Variants in NME8 observed in about 807,000 individuals in gnomAD.
NME8 encodes protein NME8.
A neutral mutation model predicts 82.3 loss-of-function variants in NME8; 72 were observed. The ratio of observed to expected loss-of-function variants is 0.87; its 90% CI spans 0.72 to 1.06. NME8 has a LOEUF of 1.06. Ranked by LOEUF, NME8 falls within the 50% of genes least tolerant of loss-of-function variation. NME8 has a pLI of 0.00. For missense variants in NME8, 712 were observed against 685.4 expected (o/e 1.04, Z -0.43); for synonymous variants, 267 against 228.5 (o/e 1.17, Z -1.52).
intron 13 of NME8, among the ~76,000 whole-genome samples, chr7:37,884,681 T>G (rs557834473): frequency 1.3e-5 from 2 of 152,244 alleles, no homozygotes; most frequent in East Asian, 3.9e-4. Flanking sequence ...GTTACTGGAG[T>G]CCCATTGAGT....
At chr7:37,882,015 TTTG>T (rs1784953861) in intron 12 of NME8, among the ~76,000 whole-genome samples, 1 of 152,242 alleles carries the variant, frequency 6.6e-6, no homozygotes. Context: ...TAATTCAGTT[TTTG>T]TTGTTGGTGG....
chr7:37,875,401 GAC>G (rs144351597), intron 11 of NME8, among the ~76,000 whole-genome samples: 61 of 149,402 alleles, frequency 4.1e-4, no homozygotes, highest in African/African-American at 1.1e-3. Flanking sequence ...GATCTGCCAA[GAC>G]ACACACACAC....
intron 2 of NME8, among the ~76,000 whole-genome samples, chr7:37,849,986 T>C (rs1190744459): frequency 6.6e-6 from 1 of 151,860 alleles, no homozygotes; most frequent in Non-Finnish European, 1.5e-5. Flanking sequence ...AAGAGTATAA[T>C]TGGATTGTTT....
chr7:37,869,427 C>T (rs1784736804), intron 11 of NME8, among the ~76,000 whole-genome samples: 1 of 152,058 alleles, frequency 6.6e-6, no homozygotes, highest in African/African-American at 2.4e-5. Context: ...AAACAAAAAG[C>T]GTTCTATGAA....
At chr7:37,893,707 T>C (rs1414901035) in intron 15 of NME8, among the ~76,000 whole-genome samples, 4 of 152,218 alleles carry the variant, frequency 2.6e-5, no homozygotes, top group African/African-American at 9.6e-5. Flanking sequence ...TATTACTCTA[T>C]AATAATGATC....
At chr7:37,850,183 G>T in intron 2 of NME8, 77 bp from the exon 3 acceptor site, 3 of 1,105,362 alleles carry the variant, frequency 2.7e-6, no homozygotes, top group Admixed American at 3.4e-5. Flanking sequence ...TGTTTTAAAA[G>T]ATGTTATTTG....
intron 5 of NME8, among the ~76,000 whole-genome samples, chr7:37,853,612 G>A (rs1784467713): frequency 6.6e-6 from 1 of 152,084 alleles, no homozygotes; most frequent in African/African-American, 2.4e-5. Flanking sequence ...TAGACTAGGG[G>A]TTCCAGATTC....
chr7:37,897,229 G>A (rs1785243821), intron 17 of NME8, 122 bp downstream of exon 17: 2 of 684,418 alleles, frequency 2.9e-6, no homozygotes, highest in Non-Finnish European at 5.1e-6. Context: ...TTTATTTCCT[G>A]TGAGACACAC....
chr7:37,886,956 A>C (rs1785050479), intron 14 of NME8, among the ~76,000 whole-genome samples: 1 of 152,142 alleles, frequency 6.6e-6, no homozygotes, highest in Non-Finnish European at 1.5e-5. Flanking sequence ...ACAGAAAACC[A>C]AGTTTCCAGT....
chr7:37,891,442 A>G (rs560383431), intron 15 of NME8, among the ~76,000 whole-genome samples: 42 of 151,740 alleles, frequency 2.8e-4, no homozygotes, highest in Non-Finnish European at 4.7e-4. Context: ...GATGAGATAA[A>G]CTCACATAAT....
chr7:37,865,669 C>G, intron 10 of NME8, 52 bp downstream of exon 10: 1 of 1,217,528 alleles, frequency 8.2e-7, no homozygotes, highest in East Asian at 2.3e-5. Flanking sequence ...ACAGTGGCCT[C>G]CATAAGCTTT....
chr7:37,876,774 G>T, intron 11 of NME8, 58 bp from the exon 12 acceptor site: 2 of 1,228,148 alleles, frequency 1.6e-6, no homozygotes, highest in Non-Finnish European at 2.4e-6. Context: ...TTAATTTGTT[G>T]GCATGGTTAT....
At chr7:37,866,476 C>T (rs1404083438) in intron 10 of NME8, among the ~76,000 whole-genome samples, 1 of 152,154 alleles carries the variant, frequency 6.6e-6, no homozygotes, top group Non-Finnish European at 1.5e-5. Flanking sequence ...AAATCCAATT[C>T]CTGGGCCCCA....
At chr7:37,882,859 T>C (rs1300828539) in intron 12 of NME8, among the ~76,000 whole-genome samples, 1 of 152,250 alleles carries the variant, frequency 6.6e-6, no homozygotes, top group Non-Finnish European at 1.5e-5. Context: ...TTGAAAATTC[T>C]CATGGACATA....
chr7:37,882,597 A>AAG (rs772102601), intron 12 of NME8, among the ~76,000 whole-genome samples: 1,027 of 82,960 alleles, frequency 0.012, 15 homozygotes, highest in South Asian at 0.022. Flanking sequence ...GAAAGAAAGA[A>AAG]AGAGAGAGAG....
In NME8 at chr7:37,888,320, T is replaced by C. The variant is rs758921186; in HGVS notation, c.1291T>C (p.Leu431=). The change falls in exon 15 of 18, where the codon TTG becomes CTG. Residue 431 remains leucine (L), a synonymous_variant. Transcript: ENST00000199447. ...GATGGACAGTTTGCCGGTCAACCAG[T>C]TGTATGGCAGCGATTCATTAGAAAC... ...FAMDSLPVNQ[L]YGSDSLETAE... is the part of the protein sequence containing the mutation. 6 of 1,613,688 alleles carry C rather than the reference T, an allele frequency of 3.7e-6. No homozygotes were observed. Among genetic ancestry groups the C allele is most frequent in the Non-Finnish European group, 5.1e-6 (6 of 1,179,710 alleles).
At chr7:37,856,244 G>A (rs1299558341) in intron 5 of NME8, among the ~76,000 whole-genome samples, 3 of 152,170 alleles carry the variant, frequency 2.0e-5, no homozygotes, top group Non-Finnish European at 2.9e-5. Flanking sequence ...AATTTCATAC[G>A]TTAAAATCCT....
chr7:37,873,359 C>CAA lies in NME8; in HGVS notation c.819-3459_819-3458dup, dbSNP rs10647118. Among the ~76,000 whole-genome samples, 75 of 105,458 alleles carry CAA rather than the reference C, an allele frequency of 7.1e-4. 5 individuals carry two copies. Among genetic ancestry groups the CAA allele is most frequent in the Middle Eastern group, 5.4e-3 (1 of 184 alleles). The allele number at this position is 105,458 out of a possible 152,430, so 69.2% of individuals were successfully genotyped here. ...TGGGCGACTGAGTGAGACTCTGTCTCAAAAAAAAAAAAAAAGAAAAGAAAA... is the reference window on the plus strand; with the variant it reads ...TGGGCGACTGAGTGAGACTCTGTCTCAAAAAAAAAAAAAAAAAGAAAAGAAAA... On this transcript the variant is annotated intron_variant, in intron 11 of 17. Transcript: ENST00000199447.
chr7:37,895,458 C>T (rs371568200), intron 16 of NME8, among the ~76,000 whole-genome samples: 19 of 152,194 alleles, frequency 1.2e-4, no homozygotes, highest in Middle Eastern at 3.4e-3. Flanking sequence ...AGAAGTTGTC[C>T]GCAGTCACAA....
Sources: gnomAD v4.1 joint callset for allele counts (sites outside exome capture counted in the v4.1 genomes callset) on GRCh38, gnomAD v4.1.1 for gene constraint, MANE v1.5 for transcripts, NCBI Gene and HGNC (gene_info 2026-07-23, HGNC 2026-07-21) for gene names.